IRAK2: variants seen among roughly 807,000 people sequenced by gnomAD.
IRAK2 encodes the protein interleukin 1 receptor associated kinase 2.
Under a neutral mutation model 72.0 loss-of-function variants are expected in IRAK2, and 57 were observed. That is an observed-to-expected ratio of 0.79 (90% confidence interval 0.64 to 0.99). The LOEUF (loss-of-function observed/expected upper bound fraction) is 0.99, where lower values mean the gene tolerates loss of function less well. IRAK2 is among the 50% of genes least tolerant of loss of function. The pLI is 0.00. For missense variants in IRAK2, 790 were observed against 794.4 expected (o/e 0.99, Z 0.07); for synonymous variants, 293 against 312.7 (o/e 0.94, Z 0.67).
intron 3 of IRAK2, among the ~76,000 whole-genome samples, chr3:10,205,804 G>A (rs1032530930): frequency 2.0e-5 from 3 of 152,380 alleles, no homozygotes; most frequent in East Asian, 1.9e-4. Flanking sequence ...AAAGAAAACC[G>A]TCAGGTGACT....
intron 10 of IRAK2, among the ~76,000 whole-genome samples, chr3:10,234,059 CG>C (rs1236518258): frequency 6.6e-6 from 1 of 152,068 alleles, no homozygotes; most frequent in Non-Finnish European, 1.5e-5. Context: ...GACGGGGTTT[CG>C]CCCTGTTGGC....
chr3:10,237,781 G>A (rs1164246358), intron 11 of IRAK2, among the ~76,000 whole-genome samples: 1 of 149,330 alleles, frequency 6.7e-6, no homozygotes, highest in Non-Finnish European at 1.5e-5. Context: ...AGTCCGGCCT[G>A]GGCGAAAGAG....
intron 2 of IRAK2, among the ~76,000 whole-genome samples, chr3:10,196,078 C>G (rs998202412): frequency 2.0e-5 from 3 of 152,198 alleles, no homozygotes; most frequent in African/African-American, 7.2e-5. Flanking sequence ...CTCACCCCGA[C>G]ATTGTTCATT....
intron 10 of IRAK2, among the ~76,000 whole-genome samples, chr3:10,233,088 C>T (rs558730055): frequency 4.6e-5 from 7 of 152,186 alleles, no homozygotes; most frequent in African/African-American, 9.6e-5. Flanking sequence ...CTCACTCTGT[C>T]GCCCAGGCTG....
intron 8 of IRAK2, 78 bp from the exon 9 acceptor site, chr3:10,222,558 C>A: frequency 8.4e-7 from 1 of 1,196,106 alleles, no homozygotes; most frequent in Non-Finnish European, 1.2e-6. Flanking sequence ...GCTATATTGT[C>A]TCCCCAAAGG....
rs150245053 is a variant in IRAK2, at chr3:10,196,312, G to A, written c.278-4057G>A. ...GTATTTTTAGTAGAGACGGGGTTTC[G>A]CCATGTTGGCCAGGCTGGTCCAGAA... On this transcript the variant is annotated intron_variant, in intron 2 of 12. Transcript: ENST00000256458. Among the ~76,000 whole-genome samples the A allele has an allele frequency of 8.0e-4, 122 of 152,242 alleles. 1 individual carries two copies. Among genetic ancestry groups the A allele is most frequent in the African/African-American group, 2.4e-3 (101 of 41,540 alleles).
intron 2 of IRAK2, among the ~76,000 whole-genome samples, chr3:10,189,557 C>T (rs1372236551): frequency 6.6e-6 from 1 of 152,246 alleles, no homozygotes; most frequent in Non-Finnish European, 1.5e-5. Flanking sequence ...AAGGTTTTCT[C>T]TTCCCATCTG....
rs777111820 is a variant in IRAK2, at chr3:10,213,553, GC to G, written c.788+7del. On this transcript the variant is annotated splice_donor_region_variant and intron_variant, in intron 6 of 12. Transcript: ENST00000256458. ...AGAGTTGCAGATTTGTCTTAGGTAA[GC>G]CTCCCCTTTGTTTAGTAATAATGAT... 6.2e-7 allele frequency: 1 copy of G among 1,611,656 alleles called. No homozygotes were observed. The highest frequency in any genetic ancestry group is 1.3e-5 in the African/African-American group (1 of 74,872).
chr3:10,192,540 A>G (rs886668229), intron 2 of IRAK2, among the ~76,000 whole-genome samples: 6 of 152,228 alleles, frequency 3.9e-5, no homozygotes, highest in African/African-American at 1.2e-4. Flanking sequence ...TTCTTCAGAT[A>G]TAAGACAACT....
intron 2 of IRAK2, among the ~76,000 whole-genome samples, chr3:10,184,982 T>A (rs555786043): frequency 3.3e-5 from 5 of 150,580 alleles, no homozygotes; most frequent in Non-Finnish European, 1.5e-5. Context: ...CCGCCCGCCT[T>A]GGCCTCCCAA....
At chr3:10,197,975 G>A (rs1023171851) in intron 2 of IRAK2, among the ~76,000 whole-genome samples, 16 of 151,414 alleles carry the variant, frequency 1.1e-4, no homozygotes, top group Middle Eastern at 3.2e-3. Context: ...TGAGGAGGGC[G>A]GATCATGACG....
At chr3:10,172,099 G>A (rs574852339) in intron 1 of IRAK2, among the ~76,000 whole-genome samples, 66 of 152,168 alleles carry the variant, frequency 4.3e-4, no homozygotes, top group Non-Finnish European at 8.7e-4. Flanking sequence ...GGCCAGGTGC[G>A]GTGGCTCATG....
Position 10,209,645 on chromosome 3 carries a change from G to A in IRAK2, c.481G>A (p.Ala161Thr). Residue 161 changes from alanine (A) to threonine (T), a missense_variant, in exon 4 of 13, where the codon GCC (alanine) becomes ACC (threonine). By Grantham distance (58) the Ala-to-Thr change is moderately conservative. Transcript: ENST00000256458. The stretch of plus-strand genomic sequence containing the variant: ...CTTTCTCCAGCCTCCTGAAGAAGAT[G>A]CCCCTCATTCCTTGAGAAGCGACCT... ...PAFLQPPEED[A>T]PHSLRSDLPT... 6.4e-7 allele frequency: 1 copy of A among 1,571,556 alleles called. No homozygotes were observed. Among genetic ancestry groups the A allele is most frequent in the Non-Finnish European group, 8.6e-7 (1 of 1,161,084 alleles).
chr3:10,222,545 G>A, intron 8 of IRAK2, 91 bp from the exon 9 acceptor site: 1 of 1,009,654 alleles, frequency 9.9e-7, no homozygotes, highest in Non-Finnish European at 1.5e-6. Flanking sequence ...AGGAGGTGAG[G>A]TTGCTATATT....
intron 3 of IRAK2, among the ~76,000 whole-genome samples, chr3:10,201,803 C>T (rs1190635829): frequency 6.6e-6 from 1 of 152,214 alleles, no homozygotes; most frequent in Non-Finnish European, 1.5e-5. Context: ...ACCCCAAATC[C>T]ATGTAATCTC....
intron 1 of IRAK2, among the ~76,000 whole-genome samples, chr3:10,174,350 G>A (rs1211035747): frequency 6.6e-6 from 1 of 152,046 alleles, no homozygotes; most frequent in Non-Finnish European, 1.5e-5. Flanking sequence ...GTGCAATCTG[G>A]TCACAGCACT....
intron 11 of IRAK2, among the ~76,000 whole-genome samples, chr3:10,236,355 T>TTG: frequency 6.7e-6 from 1 of 149,262 alleles, no homozygotes; most frequent in South Asian, 2.2e-4. Flanking sequence ...TTTTTTTTTT[T>TTG]TTTTTTTTTT....
rs114171686 is a variant in IRAK2 at position 10,193,306 on chromosome 3, G to A, written c.278-7063G>A. On this transcript the variant is annotated intron_variant, in intron 2 of 12. Coordinates refer to ENST00000256458, the MANE Select transcript of IRAK2 (RefSeq NM_001570.4). ...TCAGCCTCAGCAAGGCAGCTTTCAC[G>A]GATATCCAGATTCCAGGCTGGGTGC... Among the ~76,000 whole-genome samples, 527 of 152,082 alleles carry A rather than the reference G, an allele frequency of 3.5e-3. 6 individuals are homozygous for A. The highest frequency in any genetic ancestry group is 0.025 in the South Asian group (121 of 4,810).
chr3:10,231,273 A>G (rs550577856), intron 10 of IRAK2, among the ~76,000 whole-genome samples: 2 of 152,098 alleles, frequency 1.3e-5, no homozygotes, highest in South Asian at 2.1e-4. Flanking sequence ...TTTGTCCCCA[A>G]ATTTTAACCA....
Sources: gnomAD v4.1 joint callset for allele counts (sites outside exome capture counted in the v4.1 genomes callset) on GRCh38, gnomAD v4.1.1 for gene constraint, MANE v1.5 for transcripts, NCBI Gene and HGNC (gene_info 2026-07-23, HGNC 2026-07-21) for gene names.